METTL13: variants seen among roughly 807,000 people sequenced by gnomAD.
The protein encoded by METTL13 is methyltransferase 13, eEF1A N-terminus and K55.
In METTL13, 52 loss-of-function variants were observed where a neutral mutation model predicts 67.4. The observed-to-expected ratio is 0.77, with a 90% CI of 0.62 to 0.97. METTL13 has a LOEUF of 0.97. METTL13 is among the 50% of genes least tolerant of loss of function. The probability of loss-of-function intolerance (pLI) is 0.00; values close to 1 mark genes in which losing one functional copy is unlikely to be tolerated. For missense variants in METTL13, 825 were observed against 889.6 expected, an observed-to-expected ratio of 0.93 and a Z score of 0.92; for synonymous variants, 354 against 353.6, an observed-to-expected ratio of 1.00 and a Z score of -0.01.
chr1:171,792,125 C>A lies in METTL13; in HGVS notation c.1583C>A (p.Ser528Tyr). 6.2e-7 allele frequency: 1 copy of A among 1,614,108 alleles called. No individual in the cohort carries two copies. Among genetic ancestry groups the A allele is most frequent in the African/African-American group, 1.3e-5 (1 of 75,038 alleles). The change falls in exon 6 of 8, where the codon TCC becomes TAC. Residue 528 changes from serine (S) to tyrosine (Y), a missense_variant. Physicochemically the swap from Ser to Tyr is moderately radical, Grantham distance 144. Coordinates refer to ENST00000361735, the MANE Select transcript of METTL13 (RefSeq NM_015935.5). ...ATTGATGCTGTGGAGATCGATCCCT[C>A]CATGTTGGAAGTGGCCACCCAGTGG... The part of the protein sequence containing the change: ...SCIDAVEIDP[S>Y]MLEVATQWFG...
At chr1:171,783,589 T>C in intron 1 of METTL13, 151 bp from the exon 2 acceptor site, 1 of 850,762 alleles carries the variant, frequency 1.2e-6, no homozygotes, top group Non-Finnish European at 1.8e-6. Flanking sequence ...GAGTCTAGCA[T>C]CAACTCTACA....
In METTL13 at chr1:171,785,930, A is replaced by T; in HGVS notation, c.965A>T (p.Lys322Ile). The T allele has an allele frequency of 6.2e-7, 1 of 1,613,820 alleles. No individual in the cohort carries two copies. Among genetic ancestry groups the T allele is most frequent in the Non-Finnish European group, 8.5e-7 (1 of 1,180,016 alleles). The change falls in exon 3 of 8, where the codon AAA becomes ATA. Residue 322 changes from lysine (K) to isoleucine (I), a missense_variant. By Grantham distance (102) the Lys-to-Ile change is moderately radical. Coordinates refer to ENST00000361735, the MANE Select transcript of METTL13 (RefSeq NM_015935.5). ...CTCTTTGGCATGGATGAGGGCCGGA[A>T]ACAGCTGGCGGCCAGTGCTGGCTTC... The part of the protein sequence containing the change: ...EWLFGMDEGR[K>I]QLAASAGFRR...
chr1:171,788,849 G>T (rs944305082), intron 4 of METTL13, among the ~76,000 whole-genome samples: 1 of 152,200 alleles, frequency 6.6e-6, no homozygotes, highest in African/African-American at 2.4e-5. Context: ...TGCCCTCATA[G>T]CAAGGCCATC....
In METTL13 at chr1:171,784,313, G is replaced by A. The variant is rs1281053132; in HGVS notation, c.727G>A (p.Ala243Thr). 1.2e-6 allele frequency: 2 copies of A among 1,605,130 alleles called. No homozygotes were observed. The highest frequency in any genetic ancestry group is 4.5e-5 in the East Asian group (2 of 44,782). ...GCGGCTGGAGAGTGCCGAGCGGCTGGCCGAGGCGGTGCAGGAGCGACAGCA... is the reference window on the plus strand; with the variant it reads ...GCGGCTGGAGAGTGCCGAGCGGCTGACCGAGGCGGTGCAGGAGCGACAGCA... Reference protein sequence around the residue: ...PVRLESAERLAEAVQERQQYA... With the variant: ...PVRLESAERLTEAVQERQQYA... Residue 243 changes from alanine (A) to threonine (T), a missense_variant, in exon 2 of 8, where the codon GCC becomes ACC. Coordinates refer to ENST00000361735, the MANE Select transcript of METTL13 (RefSeq NM_015935.5).
chr1:171,795,548 C>G (rs1397506681), intron 7 of METTL13, among the ~76,000 whole-genome samples: 1 of 152,224 alleles, frequency 6.6e-6, no homozygotes, highest in Non-Finnish European at 1.5e-5. Flanking sequence ...GTTATTTAAT[C>G]TTCATAGCAG....
rs1258517935 is a variant in METTL13, at chr1:171,792,206, A to G, written c.1664A>G (p.Tyr555Cys). Residue 555 changes from tyrosine to cysteine, a missense_variant, in exon 6 of 8, where the codon TAT (tyrosine) becomes TGT (cysteine). Tyr to Cys is a radical substitution (Grantham distance 194). Transcript: ENST00000361735. ...MKVHIADGLD[Y>C]IASLAGGGEA... ...GTCCACATTGCAGATGGCCTGGACT[A>G]TATCGCCAGCTTGGCAGGAGGAGGA... The G allele has an allele frequency of 1.2e-6, 2 of 1,614,224 alleles. No homozygotes were observed. Among genetic ancestry groups the G allele is most frequent in the Non-Finnish European group, 1.7e-6 (2 of 1,180,036 alleles).
chr1:171,781,677 G>T lies in METTL13; in HGVS notation c.-291G>T. 1 of 902,932 alleles carries T rather than the reference G, an allele frequency of 1.1e-6. No homozygotes were observed. Among genetic ancestry groups the T allele is most frequent in the Non-Finnish European group, 1.4e-6 (1 of 691,584 alleles). 55.9% of individuals were successfully genotyped at this position (902,932 alleles called of 1,614,324 possible). A position where few individuals can be genotyped will look rare whatever the true frequency, so the allele number is the denominator to read the frequency against. ...GGCTTCGCACCCGGATATGGTTATG[G>T]GCTCGGAAATCTAGTTCGGGAAAAG... On this transcript the variant is annotated 5_prime_UTR_variant, in exon 1 of 8. Coordinates refer to ENST00000361735, the MANE Select transcript of METTL13 (RefSeq NM_015935.5).
At chr1:171,783,081 C>T (rs1175539355) in intron 1 of METTL13, among the ~76,000 whole-genome samples, 1 of 146,960 alleles carries the variant, frequency 6.8e-6, no homozygotes, top group Non-Finnish European at 1.5e-5. Flanking sequence ...TTTTTTTGCC[C>T]AAGATCATGT....
Position 171,796,642 on chromosome 1 carries a change from A to G in METTL13, c.1986A>G (p.Thr662=), listed in dbSNP as rs1268068048. 1.9e-6 allele frequency: 3 copies of G among 1,614,168 alleles called. No individual in the cohort carries two copies. Among genetic ancestry groups the G allele is most frequent in the Admixed American group, 3.3e-5 (2 of 60,022 alleles). Residue 662 remains threonine (T), a synonymous_variant, in exon 8 of 8, where the codon ACA becomes ACG. Transcript: ENST00000361735. Reference sequence around the variant, plus strand: ...TGCACCCTGAGCAAAAACTTGCCACACCAGAGCTCCTAGAAACAGCCCAGG... The same window carrying G: ...TGCACCCTGAGCAAAAACTTGCCACGCCAGAGCTCCTAGAAACAGCCCAGG... ...CQLHPEQKLA[T]PELLETAQAL...
At chr1:171,796,457 T>C in intron 7 of METTL13, 25 bp from the exon 8 acceptor site, 2 of 1,611,984 alleles carry the variant, frequency 1.2e-6, no homozygotes, top group Non-Finnish European at 1.7e-6. Context: ...GTGAGGTCAT[T>C]CTGACTTTTC....
At position 171,782,118 on chromosome 1, in the gene METTL13, AAG is replaced by A. The variant is rs1558128327; in HGVS notation, c.152_153del (p.Lys51SerfsTer13). ...VLHKYIKPRE[K>X]VLVIGCGNSE... is the part of the protein sequence containing the mutation. ...ACATAAATATATCAAGCCCAGGGAA[AAG>A]GTGAGGAGCGCGGGTTGGTAGCCCT... On this transcript the variant is annotated frameshift_variant and splice_region_variant, in exon 1 of 8. Coordinates refer to ENST00000361735, the MANE Select transcript of METTL13 (RefSeq NM_015935.5). LOFTEE classifies it high-confidence loss of function. 1.2e-6 allele frequency: 2 copies of A among 1,613,592 alleles called. No individual in the cohort carries two copies. Among genetic ancestry groups the A allele is most frequent in the Non-Finnish European group, 1.7e-6 (2 of 1,179,622 alleles).
rs1267585971 is a variant in METTL13 at position 171,792,878 on chromosome 1, CTG to C, written c.1693+646_1693+647del. Among the ~76,000 whole-genome samples the C allele has an allele frequency of 3.3e-5, 5 of 152,280 alleles. No homozygotes were observed. The East Asian group carries it at 5.8e-4, about 18-fold the overall frequency. ...GAGAAACCTTGATGCAGATGGTACT[CTG>C]TGGGAATTTTGATAGGCCTTCTGCA... On this transcript the variant is annotated intron_variant, in intron 6 of 7. Transcript: ENST00000361735.
intron 5 of METTL13, chr1:171,790,879 C>T (rs1657184195): frequency 3.3e-6 from 1 of 301,554 alleles, no homozygotes; most frequent in Admixed American, 5.0e-5. Flanking sequence ...TAAGGTATAT[C>T]ATGTATTCAA....
intron 4 of METTL13, among the ~76,000 whole-genome samples, chr1:171,788,337 T>A (rs10753190): frequency 2.0e-5 from 3 of 151,942 alleles, no homozygotes; most frequent in Admixed American, 6.5e-5. Context: ...CTTAGAGGCC[T>A]TCTAGTATAC....
chr1:171,794,792 T>C (rs989818639), intron 7 of METTL13, among the ~76,000 whole-genome samples: 1 of 152,108 alleles, frequency 6.6e-6, no homozygotes, highest in African/African-American at 2.4e-5. Flanking sequence ...GTTCTTTATA[T>C]AAATGGAATC....
Position 171,796,475 on chromosome 1 carries a change from C to G in METTL13, c.1826-7C>G, listed in dbSNP as rs1657379285. 6.2e-7 allele frequency: 1 copy of G among 1,613,904 alleles called. No homozygotes were observed. Among genetic ancestry groups the G allele is most frequent in the Non-Finnish European group, 8.5e-7 (1 of 1,179,896 alleles). ...AGGTCATTCTGACTTTTCTTCCTAC[C>G]CTATAGGTGTTTTTATTCTCAACCT... On this transcript the variant is annotated splice_region_variant and splice_polypyrimidine_tract_variant and intron_variant, in intron 7 of 7. Transcript: ENST00000361735.
At chr1:171,786,537 G>A (rs1235439137) in intron 3 of METTL13, among the ~76,000 whole-genome samples, 1 of 152,220 alleles carries the variant, frequency 6.6e-6, no homozygotes, top group Non-Finnish European at 1.5e-5. Context: ...GAAACCGAAG[G>A]TTTTTGCCTA....
chr1:171,786,196 G>A (rs1466533549), intron 3 of METTL13, 118 bp downstream of exon 3: 2 of 1,125,180 alleles, frequency 1.8e-6, no homozygotes, highest in Non-Finnish European at 1.2e-6. Flanking sequence ...TCTAATCCTG[G>A]AGGGGTATCA....
chr1:171,793,976 C>T (rs1370129113), intron 6 of METTL13, among the ~76,000 whole-genome samples: 1 of 152,228 alleles, frequency 6.6e-6, no homozygotes, highest in Non-Finnish European at 1.5e-5. Flanking sequence ...TCCCATCTCT[C>T]CTCCCATCTG....
Sources: gnomAD v4.1 joint callset for allele counts (sites outside exome capture counted in the v4.1 genomes callset) on GRCh38, gnomAD v4.1.1 for gene constraint, MANE v1.5 for transcripts, NCBI Gene and HGNC (gene_info 2026-07-23, HGNC 2026-07-21) for gene names.